The following CASR variants were observed in gnomAD, a reference collection of about 807,000 sequenced individuals.
CASR encodes the protein calcium sensing receptor.
CASR carries 23 observed loss-of-function variants against 69.1 expected under a neutral mutation model. That is an observed-to-expected ratio of 0.33 (90% CI 0.24 to 0.47). The LOEUF is 0.47. Among genes scored for constraint, CASR ranks in the 20% least tolerant of loss-of-function variants. The pLI is 1.00. For synonymous variants in CASR, 541 were observed against 544.7 expected (o/e 0.99, Z 0.10); for missense variants, 924 against 1,356.1 (o/e 0.68, Z 5.00).
At chr3:122,210,938 T>C (rs2074059426) in intron 1 of CASR, among the ~76,000 whole-genome samples, 1 of 152,124 alleles carries the variant, frequency 6.6e-6, no homozygotes, top group Admixed American at 6.6e-5. Flanking sequence ...AGACTGCACA[T>C]CTATGACCAT....
In CASR at chr3:122,262,126, C is replaced by A. The variant is rs200771541; in HGVS notation, c.1091C>A (p.Ala364Glu). The change falls in exon 4 of 7, where the codon GCA becomes GAA. Residue 364 changes from alanine to glutamate, a missense_variant. Physicochemically the swap from Ala to Glu is moderately radical, Grantham distance 107. This residue lies in a region of CASR where 310 missense variants were observed against 395.7 expected (regional missense o/e 0.78). Transcript: ENST00000639785. ...ETFNCHLQEG[A>E]KGPLPVDTFL... is the part of the protein sequence containing the mutation. The stretch of plus-strand genomic sequence containing the variant: ...TTTAACTGCCACCTCCAAGAAGGTG[C>A]AAAAGGACCTTTACCTGTGGACACC... The A allele has an allele frequency of 8.2e-5, 132 of 1,614,042 alleles. No individual in the cohort carries two copies. The highest frequency in any genetic ancestry group is 1.1e-4 in the Non-Finnish European group (130 of 1,180,018).
intron 1 of CASR, among the ~76,000 whole-genome samples, chr3:122,197,327 G>A (rs375511465): frequency 6.6e-5 from 10 of 152,210 alleles, no homozygotes; most frequent in African/African-American, 2.4e-4. Context: ...CTAACTAAAT[G>A]TCCTTTCCAC....
At chr3:122,265,635 A>G (rs1481086732) in intron 4 of CASR, among the ~76,000 whole-genome samples, 2 of 152,228 alleles carry the variant, frequency 1.3e-5, no homozygotes, top group African/African-American at 2.4e-5. Context: ...CCAACAACCC[A>G]TTCTTGAATC....
chr3:122,204,326 C>T (rs769842545), intron 1 of CASR, among the ~76,000 whole-genome samples: 3 of 152,074 alleles, frequency 2.0e-5, no homozygotes, highest in Non-Finnish European at 2.9e-5. Context: ...TGAGAACATG[C>T]GATATTTGTC....
chr3:122,268,358 A>T (rs1354629299), intron 4 of CASR, among the ~76,000 whole-genome samples: 2 of 152,338 alleles, frequency 1.3e-5, no homozygotes, highest in Non-Finnish European at 2.9e-5. Context: ...TAGCTAGTAA[A>T]AAAGCTACAT....
At chr3:122,251,107 G>A (rs995923657) in intron 1 of CASR, among the ~76,000 whole-genome samples, 15 of 152,248 alleles carry the variant, frequency 9.9e-5, no homozygotes, top group South Asian at 2.1e-4. Flanking sequence ...AAAATTGAGC[G>A]TCTGCTGGGG....
intron 4 of CASR, among the ~76,000 whole-genome samples, chr3:122,274,098 A>G (rs751194076): frequency 6.6e-6 from 1 of 152,228 alleles, no homozygotes; most frequent in South Asian, 2.1e-4. Context: ...AGTAGGAGCC[A>G]TTCTCCATCT....
intron 2 of CASR, among the ~76,000 whole-genome samples, chr3:122,256,544 A>G (rs1227529477): frequency 6.6e-6 from 1 of 152,056 alleles, no homozygotes; most frequent in Admixed American, 6.6e-5. Flanking sequence ...CATGCTGAAG[A>G]TTTTGCATAA....
intron 1 of CASR, among the ~76,000 whole-genome samples, chr3:122,236,215 G>GAAAC (rs1462485665): frequency 6.6e-6 from 1 of 152,246 alleles, no homozygotes; most frequent in Non-Finnish European, 1.5e-5. Flanking sequence ...GTCAGGGTTA[G>GAAAC]AAACATCCAT....
intron 1 of CASR, among the ~76,000 whole-genome samples, chr3:122,252,394 G>GGAAA: frequency 1.6e-4 from 1 of 6,352 alleles, no homozygotes; most frequent in Admixed American, 1.8e-3. Flanking sequence ...AAGGAAGGAA[G>GGAAA]GAAGGAAGGA....
At chr3:122,244,447 G>T (rs1177034345) in intron 1 of CASR, among the ~76,000 whole-genome samples, 1 of 81,998 alleles carries the variant, frequency 1.2e-5, no homozygotes, top group Non-Finnish European at 2.9e-5. Context: ...ATACAATAAT[G>T]AGAAAAAACA....
At chr3:122,206,842 A>G (rs2074012166) in intron 1 of CASR, among the ~76,000 whole-genome samples, 1 of 151,804 alleles carries the variant, frequency 6.6e-6, no homozygotes, top group Admixed American at 6.6e-5. Context: ...TTTCTTCTAG[A>G]TTTTCCAGTT....
chr3:122,263,275 G>A (rs2107633924), intron 4 of CASR, among the ~76,000 whole-genome samples: 1 of 152,252 alleles, frequency 6.6e-6, no homozygotes, highest in Non-Finnish European at 1.5e-5. Context: ...CCAGCCTCCA[G>A]CTCCCCCATT....
intron 1 of CASR, among the ~76,000 whole-genome samples, chr3:122,204,937 A>G (rs1247489584): frequency 6.6e-6 from 1 of 151,588 alleles, no homozygotes; most frequent in African/African-American, 2.4e-5. Flanking sequence ...TTTTTTTGCT[A>G]TTGAGTTGTT....
At chr3:122,265,036 A>T (rs559959201) in intron 4 of CASR, among the ~76,000 whole-genome samples, 40 of 152,354 alleles carry the variant, frequency 2.6e-4, no homozygotes, top group African/African-American at 8.2e-4. Flanking sequence ...CATAGGCCAT[A>T]GCCCACACCA....
rs2107650636 is a variant in CASR, at chr3:122,284,465, G to A, written c.2511G>A (p.Glu837=). 4 of 1,613,610 alleles carry A rather than the reference G, an allele frequency of 2.5e-6. No individual in the cohort carries two copies. The highest frequency in any genetic ancestry group is 2.5e-6 in the Non-Finnish European group (3 of 1,180,042). The stretch of plus-strand genomic sequence containing the variant: ...ATGGCAAGTTTGTCTCTGCCGTAGA[G>A]GTGATTGCCATCCTGGCAGCCAGCT... ...STYGKFVSAV[E]VIAILAASFG... Residue 837 remains glutamate (E), a synonymous_variant, in exon 7 of 7, where the codon GAG becomes GAA. Transcript: ENST00000639785.
chr3:122,240,244 A>G (rs2074367708), intron 1 of CASR, among the ~76,000 whole-genome samples: 1 of 152,188 alleles, frequency 6.6e-6, no homozygotes, highest in African/African-American at 2.4e-5. Flanking sequence ...ACATGTTTAA[A>G]GTGCTGAAGA....
intron 1 of CASR, among the ~76,000 whole-genome samples, chr3:122,188,941 T>C (rs1426021220): frequency 6.6e-6 from 1 of 152,094 alleles, no homozygotes; most frequent in Non-Finnish European, 1.5e-5. Flanking sequence ...AATACAGACA[T>C]GTGTGATAGT....
At chr3:122,283,593 T>A in intron 6 of CASR, 94 bp from the exon 7 acceptor site, 1 of 980,614 alleles carries the variant, frequency 1.0e-6, no homozygotes, top group Non-Finnish European at 1.6e-6. Flanking sequence ...AGTGACCACA[T>A]CCAAAAAACT....
Sources: allele counts gnomAD v4.1 joint callset (sites outside exome capture counted in the v4.1 genomes callset), GRCh38; gene constraint gnomAD v4.1.1; regional missense constraint gnomAD v4.1.1; transcripts MANE v1.5; gene names NCBI Gene and HGNC (gene_info 2026-07-23, HGNC 2026-07-21).